Variants in SEMA4D observed in about 807,000 individuals in gnomAD.
The protein encoded by SEMA4D is semaphorin-4D.
A neutral mutation model predicts 74.8 loss-of-function variants in SEMA4D; 22 were observed. The ratio of observed to expected loss-of-function variants is 0.29; its 90% CI spans 0.21 to 0.42. The LOEUF (loss-of-function observed/expected upper bound fraction) is 0.42, where lower values mean the gene tolerates loss of function less well. Among genes scored for constraint, SEMA4D ranks in the 10% least tolerant of loss-of-function variants. The pLI is 1.00. For missense variants in SEMA4D, 937 were observed against 1,118.4 expected, an observed-to-expected ratio of 0.84 and a Z score of 2.31; for synonymous variants, 445 against 463.7, an observed-to-expected ratio of 0.96 and a Z score of 0.52.
chr9:89,483,138 C>T (rs957172480), intron 1 of SEMA4D, among the ~76,000 whole-genome samples: 8 of 152,230 alleles, frequency 5.3e-5, no homozygotes, highest in Non-Finnish European at 1.2e-4. Context: ...GGAACTGGAA[C>T]ATGAGGATGG....
At chr9:89,461,700 C>CTCTCTTT (rs71281350) in intron 1 of SEMA4D, among the ~76,000 whole-genome samples, 1 of 103,646 alleles carries the variant, frequency 9.6e-6, no homozygotes, top group African/African-American at 3.5e-5. Flanking sequence ...TCTTTTTTCT[C>CTCTCTTT]TTTTTTTTTT....
exon 19 of SEMA4D, chr9:89,362,312 G>C (rs1258259789): frequency 6.2e-7 from 1 of 1,609,970 alleles, no homozygotes; most frequent in East Asian, 2.2e-5. Context: ...ACAGTTGTGG[G>C]GGACCAGGCC....
intron 1 of SEMA4D, among the ~76,000 whole-genome samples, chr9:89,467,410 T>C (rs1212914787): frequency 1.4e-5 from 2 of 147,688 alleles, no homozygotes; most frequent in Non-Finnish European, 3.0e-5. Flanking sequence ...CATAAGGACA[T>C]ACATGGTGGA....
At chr9:89,485,577 T>C (rs2136225248) in intron 1 of SEMA4D, among the ~76,000 whole-genome samples, 1 of 151,956 alleles carries the variant, frequency 6.6e-6, no homozygotes, top group East Asian at 1.9e-4. Flanking sequence ...TCACCTGAGG[T>C]CGGGAGTTCA....
chr9:89,481,154 G>C (rs921542861), intron 1 of SEMA4D, among the ~76,000 whole-genome samples: 3 of 152,270 alleles, frequency 2.0e-5, no homozygotes, highest in African/African-American at 7.2e-5. Context: ...TGCAGCCAGA[G>C]ACAGAAACTG....
chr9:89,399,800 C>A (rs1471812687), intron 4 of SEMA4D, among the ~76,000 whole-genome samples: 1 of 151,922 alleles, frequency 6.6e-6, no homozygotes, highest in Non-Finnish European at 1.5e-5. Context: ...GAGTTCCAGA[C>A]CAGCCTGGCC....
chr9:89,449,681 A>T, intron 2 of SEMA4D: 1 of 1,510,934 alleles, frequency 6.6e-7, no homozygotes. Flanking sequence ...CATCTAGCTC[A>T]GGTGTGTCAG....
Position 89,362,258 on chromosome 9 carries a change from TG to T in SEMA4D, c.*143del, listed in dbSNP as rs1832815426. 4 of 1,397,600 alleles carry T rather than the reference TG, an allele frequency of 2.9e-6. No individual in the cohort carries two copies. In the South Asian group the frequency reaches 4.7e-5, roughly 16 times the overall value. The allele number at this position is 1,397,600 out of a possible 1,614,324, so 86.6% of individuals were successfully genotyped here. ...TGTCCCGCCTCTGCCCATCAGGTGGTGGCCCAATGGCTGTGTTCAGAGCAGG... is the reference window on the plus strand; with the variant it reads ...TGTCCCGCCTCTGCCCATCAGGTGGTGCCCAATGGCTGTGTTCAGAGCAGG... On this transcript the variant is annotated 3_prime_UTR_variant, in exon 19 of 19. Transcript: ENST00000339861.
At chr9:89,387,264 C>G (rs947518732) in intron 12 of SEMA4D, 122 bp downstream of exon 12, 1 of 813,116 alleles carries the variant, frequency 1.2e-6, no homozygotes, top group Admixed American at 2.9e-5. Flanking sequence ...CACAAACCTC[C>G]CAGGTCACCT....
At chr9:89,375,980 C>T (rs1240316519), downstream of SEMA4D, among the ~76,000 whole-genome samples, 4 of 152,106 alleles carry the variant, frequency 2.6e-5, no homozygotes, top group Admixed American at 6.5e-5. Flanking sequence ...CCTCAAGGCA[C>T]GTGCCACCAA....
chr9:89,380,431 A>G lies in SEMA4D; in HGVS notation c.1663+624T>C, dbSNP rs191441646. On this transcript the variant is annotated intron_variant, in intron 15 of 15. Transcript: ENST00000422704. ...CACTGAGCCTTGAACCCCTGGGCAC[A>G]AGCAATCCTCCTGCCTCAGCCTCCC... Among the ~76,000 whole-genome samples, 16 of 152,342 alleles carry G rather than the reference A, an allele frequency of 1.1e-4. No individual in the cohort carries two copies. In the East Asian group the frequency reaches 3.1e-3, roughly 29 times the overall value.
chr9:89,491,809 G>C (rs1322151746), intron 1 of SEMA4D, among the ~76,000 whole-genome samples: 1 of 152,118 alleles, frequency 6.6e-6, no homozygotes, highest in Non-Finnish European at 1.5e-5. Flanking sequence ...ACTCACTAAG[G>C]TGATGAGGAA....
intron 2 of SEMA4D, among the ~76,000 whole-genome samples, chr9:89,433,780 T>A (rs1022503859): frequency 6.6e-6 from 1 of 152,186 alleles, no homozygotes; most frequent in Non-Finnish European, 1.5e-5. Flanking sequence ...CACAAGAGCA[T>A]GGCCCTAGGT....
intron 2 of SEMA4D, among the ~76,000 whole-genome samples, chr9:89,409,273 G>A (rs1843993128): frequency 6.6e-6 from 1 of 152,210 alleles, no homozygotes; most frequent in African/African-American, 2.4e-5. Flanking sequence ...AGGGGCTGGG[G>A]AGAGAGAGGG....
At position 89,438,964 on chromosome 9, in the gene SEMA4D, C is replaced by CTTTT. The variant is rs57394947; in HGVS notation, c.-244+16920_-244+16923dup. Among the ~76,000 whole-genome samples, 43 of 38,214 alleles carry CTTTT rather than the reference C, an allele frequency of 1.1e-3. 2 individuals carry two copies. The highest frequency in any genetic ancestry group is 4.5e-3 in the African/African-American group (39 of 8,608). The allele number at this position is 38,214 out of a possible 152,430, so 25.1% of individuals were successfully genotyped here. A position where few individuals can be genotyped will look rare whatever the true frequency, so the allele number is the denominator to read the frequency against. Reference sequence around the variant, plus strand: ...ATAGGTGTGAGCCACCGCACCGGGCCTTTTTTTTTTTTTTTTTTTTTTTTT... The same window carrying CTTTT: ...ATAGGTGTGAGCCACCGCACCGGGCCTTTTTTTTTTTTTTTTTTTTTTTTTTTTT... On this transcript the variant is annotated intron_variant, in intron 2 of 15. Coordinates refer to ENST00000422704, the MANE Select transcript of SEMA4D (RefSeq NM_001371194.2).
chr9:89,392,720 G>A (rs886675727), intron 7 of SEMA4D, among the ~76,000 whole-genome samples, 184 bp from the exon 8 acceptor site: 16 of 151,594 alleles, frequency 1.1e-4, no homozygotes, highest in African/African-American at 3.9e-4. Context: ...TTTCTTTTTC[G>A]AGATGAGGTT....
intron 1 of SEMA4D, among the ~76,000 whole-genome samples, chr9:89,489,097 A>AATT (rs1825426987): frequency 6.6e-6 from 1 of 152,264 alleles, no homozygotes; most frequent in Non-Finnish European, 1.5e-5. Flanking sequence ...AATAGCTAAA[A>AATT]TTAATAAGAC....
intron 2 of SEMA4D, among the ~76,000 whole-genome samples, chr9:89,408,665 A>AGAG (rs34159561): frequency 0.39 from 59,714 of 151,582 alleles, 11,790 homozygotes; most frequent in East Asian, 0.49. Flanking sequence ...CCGCGCCACT[A>AGAG]GAGGAGGAGG....
chr9:89,388,578 A>AT (rs1588227450), intron 11 of SEMA4D, 58 bp downstream of exon 11: 1 of 1,557,582 alleles, frequency 6.4e-7, no homozygotes, highest in Non-Finnish European at 8.6e-7. Context: ...CCTGTACTGG[A>AT]TTCCATGCCC....
Sources: allele counts gnomAD v4.1 joint callset (sites outside exome capture counted in the v4.1 genomes callset), GRCh38; gene constraint gnomAD v4.1.1; transcripts MANE v1.5; gene names NCBI Gene and HGNC (gene_info 2026-07-23, HGNC 2026-07-21).